The following ZNF410 variants were observed in gnomAD, a reference collection of about 807,000 sequenced individuals.
The protein encoded by ZNF410 is another partner for ARF 1.
A neutral mutation model predicts 54.8 loss-of-function variants in ZNF410; 18 were observed. The observed-to-expected ratio is 0.33, with a 90% CI of 0.23 to 0.49. ZNF410 has a LOEUF of 0.49. ZNF410 is among the 20% of genes least tolerant of loss of function. ZNF410 has a pLI of 0.99. For missense variants in ZNF410, 405 were observed against 569.6 expected, an observed-to-expected ratio of 0.71 and a Z score of 2.94; for synonymous variants, 191 against 207.3, an observed-to-expected ratio of 0.92 and a Z score of 0.68.
At chr14:73,917,844 G>A (rs1045756203) in intron 8 of ZNF410, among the ~76,000 whole-genome samples, 7 of 151,938 alleles carry the variant, frequency 4.6e-5, no homozygotes, top group Non-Finnish European at 1.0e-4. Flanking sequence ...GAAGAAAAGG[G>A]TGCAACTAAG....
intron 8 of ZNF410, among the ~76,000 whole-genome samples, chr14:73,917,355 C>T (rs187222272): frequency 6.6e-6 from 1 of 152,144 alleles, no homozygotes; most frequent in Admixed American, 6.5e-5. Flanking sequence ...TTCAAAAAGC[C>T]TTGATTATAG....
chr14:73,912,381 G>A (rs1460330853), intron 8 of ZNF410, among the ~76,000 whole-genome samples: 1 of 151,814 alleles, frequency 6.6e-6, no homozygotes, highest in Non-Finnish European at 1.5e-5. Flanking sequence ...TGGCCAGGCT[G>A]GTCTTGAACT....
intron 1 of ZNF410, 113 bp from the exon 2 acceptor site, chr14:73,891,914 T>G: frequency 1.6e-6 from 1 of 610,566 alleles, no homozygotes; most frequent in Non-Finnish European, 2.9e-6. Context: ...GTTTGAATTC[T>G]TTATTTGCTT....
At chr14:73,921,915 G>T in intron 9 of ZNF410, 151 bp from the exon 10 acceptor site, 1 of 805,568 alleles carries the variant, frequency 1.2e-6, no homozygotes, top group Admixed American at 2.4e-5. Context: ...GTTTATTCTT[G>T]TTTCTCGAAA....
At chr14:73,897,971 CAAAAAAAAAA>C in intron 4 of ZNF410, 90 bp from the exon 5 acceptor site, 1 of 685,868 alleles carries the variant, frequency 1.5e-6, no homozygotes. Context: ...GACGCCGTCT[CAAAAAAAAAA>C]AAAAAAAAAG....
chr14:73,926,419 TTTTTG>T (rs1054111366), intron 11 of ZNF410, among the ~76,000 whole-genome samples: 1 of 151,850 alleles, frequency 6.6e-6, no homozygotes, highest in East Asian at 1.9e-4. Context: ...GGAACTGGGT[TTTTTG>T]TTTTGTTTTG....
Position 73,892,103 on chromosome 14 carries a change from G to A in ZNF410, c.-73G>A. 1 of 1,466,130 alleles carries A rather than the reference G, an allele frequency of 6.8e-7. No individual in the cohort carries two copies. 90.8% of individuals were successfully genotyped at this position (1,466,130 alleles called of 1,614,324 possible). A position where few individuals can be genotyped will look rare whatever the true frequency, so the allele number is the denominator to read the frequency against. On this transcript the variant is annotated 5_prime_UTR_variant, in exon 2 of 12. Transcript: ENST00000555044. The stretch of plus-strand genomic sequence containing the variant: ...TTCCTAGAGGAATATGAACATAACA[G>A]GAAGGTATCATTGGCTCTGAATTAA...
chr14:73,905,966 C>CATATATATAT (rs1197338487), intron 7 of ZNF410, among the ~76,000 whole-genome samples: 14 of 66,602 alleles, frequency 2.1e-4, no homozygotes, highest in East Asian at 9.5e-4. Flanking sequence ...CACACACACA[C>CATATATATAT]ACATATATAT....
intron 5 of ZNF410, among the ~76,000 whole-genome samples, chr14:73,903,333 A>G (rs908703003): frequency 3.9e-5 from 6 of 152,194 alleles, no homozygotes; most frequent in African/African-American, 1.4e-4. Context: ...GTGTAATGCA[A>G]AATGGTTTTA....
chr14:73,891,966 A>T, intron 1 of ZNF410, 61 bp from the exon 2 acceptor site: 1 of 686,112 alleles, frequency 1.5e-6, no homozygotes, highest in Non-Finnish European at 2.6e-6. Context: ...AAGTGTCTTT[A>T]TGTACCTGTG....
chr14:73,899,975 C>T (rs1359716349), intron 5 of ZNF410, among the ~76,000 whole-genome samples: 2 of 152,028 alleles, frequency 1.3e-5, no homozygotes, highest in Non-Finnish European at 2.9e-5. Context: ...GCAGGCAGAT[C>T]ATCTGAGGTC....
chr14:73,919,886 GTTTTTTT>G (rs1158550117), intron 8 of ZNF410, among the ~76,000 whole-genome samples: 32 of 62,040 alleles, frequency 5.2e-4, no homozygotes, highest in African/African-American at 1.3e-3. Context: ...TATTGTATAG[GTTTTTTT>G]TTTTTTTTTT....
intron 5 of ZNF410, among the ~76,000 whole-genome samples, chr14:73,903,499 A>G (rs1464794300): frequency 6.6e-6 from 1 of 151,408 alleles, no homozygotes; most frequent in Non-Finnish European, 1.5e-5. Flanking sequence ...CATTATATTT[A>G]TTTATTTTTT....
intron 10 of ZNF410, 129 bp downstream of exon 10, chr14:73,922,335 G>C (rs2140324890): frequency 1.0e-6 from 1 of 1,001,302 alleles, no homozygotes; most frequent in East Asian, 2.8e-5. Flanking sequence ...TAGCATTTGT[G>C]TTCTTATTCT....
chr14:73,896,580 AT>A, intron 4 of ZNF410, 46 bp downstream of exon 4: 1 of 1,475,844 alleles, frequency 6.8e-7, no homozygotes, highest in East Asian at 2.3e-5. Flanking sequence ...TAAGAAAAAA[AT>A]TAGGGGTGGG....
At chr14:73,898,797 A>G (rs561319378) in intron 5 of ZNF410, among the ~76,000 whole-genome samples, 2 of 152,328 alleles carry the variant, frequency 1.3e-5, no homozygotes, top group African/African-American at 4.8e-5. Context: ...CAGCATGCCT[A>G]TACTACTTAC....
intron 8 of ZNF410, among the ~76,000 whole-genome samples, chr14:73,911,456 G>C (rs1216644296): frequency 6.6e-6 from 1 of 152,186 alleles, no homozygotes; most frequent in African/African-American, 2.4e-5. Flanking sequence ...ACATTTCAGA[G>C]TTGAGATCTT....
intron 5 of ZNF410, chr14:73,898,541 A>T: frequency 1.9e-6 from 1 of 513,494 alleles, no homozygotes; most frequent in Non-Finnish European, 3.4e-6. Flanking sequence ...AATTGTTTTT[A>T]TTGTAATGTC....
At chr14:73,927,558 CT>C (rs1213571153) in intron 11 of ZNF410, among the ~76,000 whole-genome samples, 1 of 152,168 alleles carries the variant, frequency 6.6e-6, no homozygotes, top group Admixed American at 6.5e-5. Flanking sequence ...GAGCTTTTCT[CT>C]CCTGTATTGG....
Sources: gnomAD v4.1 joint callset for allele counts (sites outside exome capture counted in the v4.1 genomes callset) on GRCh38, gnomAD v4.1.1 for gene constraint, MANE v1.5 for transcripts, NCBI Gene and HGNC (gene_info 2026-07-23, HGNC 2026-07-21) for gene names.